Variants in ANKS1B observed in about 807,000 individuals in gnomAD.
ANKS1B encodes the protein ankyrin repeat and sterile alpha motif domain containing 1B.
In ANKS1B, 36 loss-of-function variants were observed where a neutral mutation model predicts 148.3. That is an observed-to-expected ratio of 0.24 (90% CI 0.19 to 0.32). ANKS1B has a LOEUF of 0.32. ANKS1B is among the 10% of genes least tolerant of loss of function. The pLI is 1.00. For missense variants in ANKS1B, 1,157 were observed against 1,542.6 expected, an observed-to-expected ratio of 0.75 and a Z score of 4.19; for synonymous variants, 542 against 560.8, an observed-to-expected ratio of 0.97 and a Z score of 0.47.
intron 10 of ANKS1B, among the ~76,000 whole-genome samples, chr12:99,498,542 T>C (rs1197657410): frequency 6.6e-6 from 1 of 152,142 alleles, no homozygotes; most frequent in Non-Finnish European, 1.5e-5. Flanking sequence ...ATTCCTCCCC[T>C]TCTACTCTCC....
At chr12:99,536,823 C>A (rs1278013231) in intron 9 of ANKS1B, among the ~76,000 whole-genome samples, 1 of 152,042 alleles carries the variant, frequency 6.6e-6, no homozygotes, top group African/African-American at 2.4e-5. Flanking sequence ...ATTATAGTCA[C>A]CCTGTTGTGC....
intron 8 of ANKS1B, among the ~76,000 whole-genome samples, chr12:99,660,357 C>CT (rs919390761): frequency 7.9e-6 from 1 of 126,376 alleles, no homozygotes; most frequent in African/African-American, 3.1e-5. Context: ...CTTTCTTTTT[C>CT]TTTTTCTTTT....
intron 1 of ANKS1B, among the ~76,000 whole-genome samples, chr12:99,850,874 C>A (rs1163886599): frequency 1.3e-5 from 2 of 151,970 alleles, no homozygotes; most frequent in Non-Finnish European, 2.9e-5. Flanking sequence ...TAGAAGAAAT[C>A]AGAAGAATAT....
chr12:99,437,113 G>T (rs2095474185), intron 11 of ANKS1B, among the ~76,000 whole-genome samples: 1 of 152,030 alleles, frequency 6.6e-6, no homozygotes, highest in African/African-American at 2.4e-5. Context: ...TCTGGAGGTT[G>T]AGAAGTCCAA....
At chr12:99,735,076 C>A (rs2059493577) in intron 8 of ANKS1B, among the ~76,000 whole-genome samples, 1 of 152,108 alleles carries the variant, frequency 6.6e-6, no homozygotes, top group African/African-American at 2.4e-5. Flanking sequence ...ATTTTTATTA[C>A]TATTTTGCTC....
At chr12:98,757,411 T>C (rs1011026732) in intron 25 of ANKS1B, among the ~76,000 whole-genome samples, 2 of 152,242 alleles carry the variant, frequency 1.3e-5, no homozygotes, top group East Asian at 1.9e-4. Context: ...GGGTGGTTTA[T>C]TACGCAGCAA....
At chr12:99,806,255 T>C (rs753530013) in intron 4 of ANKS1B, 149 bp downstream of exon 4, 102 of 881,478 alleles carry the variant, frequency 1.2e-4, no homozygotes, top group Non-Finnish European at 1.7e-4. Context: ...TTCCCAAAAG[T>C]AGGTGGCATA....
chr12:98,786,021 G>A (rs1046655402), intron 22 of ANKS1B, among the ~76,000 whole-genome samples: 2 of 152,100 alleles, frequency 1.3e-5, no homozygotes, highest in African/African-American at 4.8e-5. Flanking sequence ...TTCAGAGCCA[G>A]CTTTACAGAA....
At chr12:99,864,309 G>A (rs550201334) in intron 1 of ANKS1B, among the ~76,000 whole-genome samples, 62 of 152,156 alleles carry the variant, frequency 4.1e-4, no homozygotes, top group African/African-American at 1.5e-3. Flanking sequence ...AATCTTTAGT[G>A]AATTCACAAT....
intron 1 of ANKS1B, among the ~76,000 whole-genome samples, chr12:99,871,275 G>C (rs1302676987): frequency 1.3e-5 from 2 of 152,132 alleles, no homozygotes. Flanking sequence ...CTATGTGTCT[G>C]TTTTTGTTCT....
At chr12:99,983,503 A>G (rs1250951877) in intron 1 of ANKS1B, among the ~76,000 whole-genome samples, 3 of 152,340 alleles carry the variant, frequency 2.0e-5, no homozygotes, top group South Asian at 2.1e-4. Context: ...AGTTTCACTC[A>G]GCTATGTCCA....
chr12:99,266,476 T>C (rs906088551), intron 12 of ANKS1B, among the ~76,000 whole-genome samples: 1 of 152,172 alleles, frequency 6.6e-6, no homozygotes, highest in Non-Finnish European at 1.5e-5. Context: ...CTTGTCTAAT[T>C]ACACAACTGG....
chr12:99,822,442 C>T (rs1333953410), intron 2 of ANKS1B, among the ~76,000 whole-genome samples: 1 of 152,108 alleles, frequency 6.6e-6, no homozygotes, highest in Admixed American at 6.5e-5. Context: ...TTTTTCAACC[C>T]TCCCTACCCC....
intron 9 of ANKS1B, among the ~76,000 whole-genome samples, chr12:99,541,414 A>G (rs1215455299): frequency 6.6e-6 from 1 of 152,224 alleles, no homozygotes; most frequent in Non-Finnish European, 1.5e-5. Flanking sequence ...AACAACATAC[A>G]AAATAATTAT....
At chr12:99,703,527 GTA>G (rs1460678960) in intron 8 of ANKS1B, among the ~76,000 whole-genome samples, 1 of 151,734 alleles carries the variant, frequency 6.6e-6, no homozygotes, top group Non-Finnish European at 1.5e-5. Flanking sequence ...TTCACGCCTC[GTA>G]TCTTTACATA....
chr12:98,738,846 C>A (rs993487241), intron 9 of ANKS1B, among the ~76,000 whole-genome samples: 3 of 152,180 alleles, frequency 2.0e-5, no homozygotes, highest in Non-Finnish European at 2.9e-5. Flanking sequence ...CTTATATTCA[C>A]CTTCAATTAG....
chr12:99,442,409 C>G (rs2095563778), intron 11 of ANKS1B, among the ~76,000 whole-genome samples: 1 of 151,816 alleles, frequency 6.6e-6, no homozygotes, highest in Admixed American at 6.6e-5. Flanking sequence ...CTAAATGCCC[C>G]TGAACCTGCA....
intron 25 of ANKS1B, among the ~76,000 whole-genome samples, chr12:98,761,667 G>A (rs1324013158): frequency 6.6e-6 from 1 of 152,154 alleles, no homozygotes; most frequent in Non-Finnish European, 1.5e-5. Context: ...AATCCGTTAT[G>A]GAATGAGGCA....
At chr12:99,129,533 T>C (rs1400558088) in intron 15 of ANKS1B, among the ~76,000 whole-genome samples, 1 of 152,184 alleles carries the variant, frequency 6.6e-6, no homozygotes, top group Non-Finnish European at 1.5e-5. Context: ...GGGTCTGATT[T>C]GGTCTTAAGT....
Sources: gnomAD v4.1 joint callset for allele counts (sites outside exome capture counted in the v4.1 genomes callset) on GRCh38, gnomAD v4.1.1 for gene constraint, MANE v1.5 for transcripts, NCBI Gene and HGNC (gene_info 2026-07-23, HGNC 2026-07-21) for gene names.